The following FAM81A variants were observed in gnomAD, a reference collection of about 807,000 sequenced individuals.
The protein encoded by FAM81A is protein FAM81A.
In FAM81A, 19 loss-of-function variants were observed where a neutral mutation model predicts 46.7. The ratio of observed to expected loss-of-function variants is 0.41; its 90% CI spans 0.28 to 0.60. FAM81A has a LOEUF of 0.60. Ranked by LOEUF, FAM81A falls within the 20% of genes least tolerant of loss-of-function variation. The probability of loss-of-function intolerance (pLI) is 0.34; values close to 1 mark genes in which losing one functional copy is unlikely to be tolerated. For missense variants in FAM81A, 377 were observed against 453.5 expected, an observed-to-expected ratio of 0.83 and a Z score of 1.53; for synonymous variants, 183 against 152.9, an observed-to-expected ratio of 1.20 and a Z score of -1.45.
intron 2 of FAM81A, among the ~76,000 whole-genome samples, chr15:59,418,719 C>A (rs2141548841): frequency 6.6e-6 from 1 of 152,276 alleles, no homozygotes; most frequent in South Asian, 2.1e-4. Flanking sequence ...GCTTTGAAGC[C>A]AGACAAGCAT....
At chr15:59,503,091 A>G (rs2082112182) in intron 4 of FAM81A, among the ~76,000 whole-genome samples, 1 of 151,864 alleles carries the variant, frequency 6.6e-6, no homozygotes, top group African/African-American at 2.4e-5. Flanking sequence ...AAAATACTAA[A>G]ATTAGCTGGG....
upstream of FAM81A, among the ~76,000 whole-genome samples, chr15:59,437,177 G>C (rs2081248886): frequency 6.6e-6 from 1 of 152,144 alleles, no homozygotes; most frequent in Non-Finnish European, 1.5e-5. Context: ...CTGCCGGAGA[G>C]AGAATTCCAA....
At chr15:59,410,847 T>C (rs1218847838) in intron 2 of FAM81A, among the ~76,000 whole-genome samples, 1 of 152,062 alleles carries the variant, frequency 6.6e-6, no homozygotes, top group Non-Finnish European at 1.5e-5. Flanking sequence ...ACCTGCTGAG[T>C]TCAAGTAACT....
upstream of FAM81A, among the ~76,000 whole-genome samples, chr15:59,437,550 C>A (rs1236672767): frequency 6.6e-6 from 1 of 152,066 alleles, no homozygotes; most frequent in Non-Finnish European, 1.5e-5. Context: ...TTCTTCTCGT[C>A]GTGTCTGCTG....
At chr15:59,463,721 T>G (rs573243826) in intron 3 of FAM81A, among the ~76,000 whole-genome samples, 66 of 139,236 alleles carry the variant, frequency 4.7e-4, no homozygotes, top group Middle Eastern at 3.6e-3. Context: ...AAAGAAATAA[T>G]GTATAGATCC....
intron 3 of FAM81A, among the ~76,000 whole-genome samples, chr15:59,479,563 G>A (rs1046318102): frequency 6.7e-6 from 1 of 148,478 alleles, no homozygotes; most frequent in Non-Finnish European, 1.5e-5. Context: ...GGAATAAGGT[G>A]ACGTGTGAAT....
chr15:59,438,888 G>A (rs1487881953), intron 1 of FAM81A: 2 of 152,246 alleles, frequency 1.3e-5, no homozygotes, highest in African/African-American at 2.4e-5. Flanking sequence ...GCAGTCGGTG[G>A]TCCGGAGAAT....
chr15:59,436,586 G>GA (rs2081244750), upstream of FAM81A, among the ~76,000 whole-genome samples: 1 of 152,168 alleles, frequency 6.6e-6, no homozygotes. Flanking sequence ...CTCTAGGTTT[G>GA]AATGGGTACT....
At chr15:59,496,447 A>G (rs540713268) in intron 4 of FAM81A, among the ~76,000 whole-genome samples, 1 of 152,310 alleles carries the variant, frequency 6.6e-6, no homozygotes, top group Admixed American at 6.5e-5. Flanking sequence ...TCTACTAAAA[A>G]TACAAAAATT....
chr15:59,448,756 C>T (rs2081379273), intron 1 of FAM81A, among the ~76,000 whole-genome samples: 1 of 152,116 alleles, frequency 6.6e-6, no homozygotes, highest in South Asian at 2.1e-4. Context: ...TGGGCTCAAG[C>T]AATCCTGTTG....
intron 6 of FAM81A, among the ~76,000 whole-genome samples, chr15:59,510,337 C>G (rs1211532942): frequency 2.0e-5 from 3 of 150,434 alleles, no homozygotes; most frequent in Admixed American, 1.3e-4. Context: ...CCACTGCACT[C>G]CAGCCTGGGC....
intron 1 of FAM81A, among the ~76,000 whole-genome samples, chr15:59,447,607 C>T (rs2081366661): frequency 6.6e-6 from 1 of 152,204 alleles, no homozygotes; most frequent in African/African-American, 2.4e-5. Flanking sequence ...TAGCATTGGT[C>T]TTTCCTTTGG....
At chr15:59,443,734 T>A (rs1469334697) in intron 1 of FAM81A, among the ~76,000 whole-genome samples, 2 of 152,154 alleles carry the variant, frequency 1.3e-5, no homozygotes, top group African/African-American at 4.8e-5. Context: ...TGAGTCAAGT[T>A]GAGGTGTCCC....
intron 1 of FAM81A, chr15:59,438,938 C>CT (rs2081266822): frequency 6.6e-6 from 1 of 152,196 alleles, no homozygotes; most frequent in Non-Finnish European, 1.5e-5. Flanking sequence ...CTTTGGTGCC[C>CT]TAAAGACATG....
At chr15:59,416,682 G>T (rs1293291964) in intron 2 of FAM81A, among the ~76,000 whole-genome samples, 1 of 151,868 alleles carries the variant, frequency 6.6e-6, no homozygotes, top group Non-Finnish European at 1.5e-5. Context: ...CCACACATAC[G>T]ACAAAGATAA....
intron 3 of FAM81A, among the ~76,000 whole-genome samples, chr15:59,467,643 G>T (rs1233611841): frequency 2.0e-5 from 3 of 152,146 alleles, no homozygotes; most frequent in Non-Finnish European, 4.4e-5. Flanking sequence ...ATACAATCAT[G>T]TCATCTGCAA....
chr15:59,520,374 A>G (rs148094770), intron 8 of FAM81A, among the ~76,000 whole-genome samples: 1,610 of 151,922 alleles, frequency 0.011, 23 homozygotes, highest in African/African-American at 0.033. Context: ...TTTAATTTGT[A>G]TTTTTCCTAT....
At chr15:59,487,958 CAACAAAAA>C (rs1253440789) in intron 3 of FAM81A, among the ~76,000 whole-genome samples, 2 of 151,138 alleles carry the variant, frequency 1.3e-5, no homozygotes, top group Admixed American at 6.6e-5. Flanking sequence ...ACAAAAACAA[CAACAAAAA>C]AACAAAAAAC....
At chr15:59,418,119 A>T (rs536572459) in intron 2 of FAM81A, among the ~76,000 whole-genome samples, 2 of 152,222 alleles carry the variant, frequency 1.3e-5, no homozygotes, top group African/African-American at 4.8e-5. Flanking sequence ...TTAAAATAGG[A>T]TTTTTTATCT....
Sources: gnomAD v4.1 joint callset for allele counts (sites outside exome capture counted in the v4.1 genomes callset) on GRCh38, gnomAD v4.1.1 for gene constraint, MANE v1.5 for transcripts, NCBI Gene and HGNC (gene_info 2026-07-23, HGNC 2026-07-21) for gene names.